Variants in SH3GL3 observed in about 807,000 individuals in gnomAD.
SH3GL3 encodes the protein endophilin-A3.
A neutral mutation model predicts 47.7 loss-of-function variants in SH3GL3; 33 were observed. That is an observed-to-expected ratio of 0.69 (90% CI 0.52 to 0.92). The LOEUF (loss-of-function observed/expected upper bound fraction) is 0.92. SH3GL3 is among the 40% of genes least tolerant of loss of function. The pLI is 0.00. For synonymous variants in SH3GL3, 155 were observed against 148.8 expected (o/e 1.04, Z -0.30); for missense variants, 363 against 417.8 (o/e 0.87, Z 1.14).
chr15:83,459,172 A>G (rs1350312003), intron 1 of SH3GL3, among the ~76,000 whole-genome samples: 1 of 152,226 alleles, frequency 6.6e-6, no homozygotes, highest in Non-Finnish European at 1.5e-5. Flanking sequence ...CGGCCAGTCT[A>G]GTCTTTCCAC....
chr15:83,474,482 T>G (rs991105101), intron 1 of SH3GL3, among the ~76,000 whole-genome samples: 1 of 152,188 alleles, frequency 6.6e-6, no homozygotes, highest in African/African-American at 2.4e-5. Flanking sequence ...TGTGTGTGAT[T>G]AATTATTATG....
At chr15:83,529,062 T>C (rs1158224481) in intron 1 of SH3GL3, among the ~76,000 whole-genome samples, 1 of 138,450 alleles carries the variant, frequency 7.2e-6, no homozygotes, top group Non-Finnish European at 1.6e-5. Flanking sequence ...TATGATTTAT[T>C]TGATTGTGAA....
intron 1 of SH3GL3, among the ~76,000 whole-genome samples, chr15:83,456,349 TC>T (rs1231590824): frequency 3.8e-5 from 1 of 26,250 alleles, no homozygotes; most frequent in African/African-American, 1.4e-4. Context: ...AGTTCGAGCT[TC>T]CCGGCTGCTT....
intron 2 of SH3GL3, among the ~76,000 whole-genome samples, chr15:83,559,549 C>G (rs1483011077): frequency 6.6e-6 from 1 of 152,208 alleles, no homozygotes; most frequent in Non-Finnish European, 1.5e-5. Context: ...ATGTGGCTAA[C>G]TGGTACCCTC....
chr15:83,568,817 CAT>C, intron 4 of SH3GL3, 145 bp downstream of exon 4: 1 of 528,850 alleles, frequency 1.9e-6, no homozygotes, highest in Non-Finnish European at 3.3e-6. Flanking sequence ...GTTTAGAAAA[CAT>C]AGGTAAGTAA....
chr15:83,626,216 C>T, the SH3GL3 span, among the ~76,000 whole-genome samples: 4 of 152,190 alleles, frequency 2.6e-5, no homozygotes, highest in Non-Finnish European at 4.4e-5. Context: ...AAGAGCTCCA[C>T]TACCACAAGA....
At chr15:83,569,867 C>T (rs968075419) in intron 4 of SH3GL3, among the ~76,000 whole-genome samples, 9 of 152,016 alleles carry the variant, frequency 5.9e-5, no homozygotes, top group Admixed American at 2.0e-4. Context: ...ATTTTTTCCC[C>T]CCTGTCTCAT....
At chr15:83,490,985 A>G in intron 1 of SH3GL3, 1 of 1,596,874 alleles carries the variant, frequency 6.3e-7, no homozygotes. Flanking sequence ...GCACAGAAGC[A>G]CTGAAAGAAG....
intron 8 of SH3GL3, among the ~76,000 whole-genome samples, chr15:83,610,056 G>A (rs925930802): frequency 2.0e-5 from 3 of 152,216 alleles, no homozygotes; most frequent in Admixed American, 6.5e-5. Flanking sequence ...CCTCAAGTGC[G>A]ACAGGCAAGG....
At chr15:83,571,718 A>G (rs1389002254) in intron 4 of SH3GL3, among the ~76,000 whole-genome samples, 3 of 152,168 alleles carry the variant, frequency 2.0e-5, no homozygotes, top group Non-Finnish European at 4.4e-5. Context: ...TCAAGCCTAG[A>G]AATGGAGCAA....
chr15:83,538,665 C>G (rs1028921855), intron 1 of SH3GL3, among the ~76,000 whole-genome samples: 2 of 152,056 alleles, frequency 1.3e-5, no homozygotes, highest in Non-Finnish European at 2.9e-5. Flanking sequence ...AATGTTATGT[C>G]TGAAATTTAC....
intron 1 of SH3GL3, among the ~76,000 whole-genome samples, chr15:83,550,254 C>T (rs1425865737): frequency 6.6e-6 from 1 of 152,194 alleles, no homozygotes; most frequent in African/African-American, 2.4e-5. Context: ...CACAGGGCTT[C>T]TCAAAATGTG....
chr15:83,594,435 A>G (rs1345309856), intron 8 of SH3GL3, among the ~76,000 whole-genome samples: 1 of 152,202 alleles, frequency 6.6e-6, no homozygotes, highest in Non-Finnish European at 1.5e-5. Flanking sequence ...CCACTCTTCT[A>G]TATTAACATT....
downstream of SH3GL3, among the ~76,000 whole-genome samples, chr15:83,621,535 T>C (rs186835488): frequency 1.7e-4 from 26 of 152,284 alleles, no homozygotes; most frequent in East Asian, 3.5e-3. Flanking sequence ...ACAGTTAAAA[T>C]AGTAACATCA....
chr15:83,594,828 G>A (rs1442042574), intron 8 of SH3GL3, among the ~76,000 whole-genome samples: 1 of 152,128 alleles, frequency 6.6e-6, no homozygotes. Flanking sequence ...CAGAATGGCT[G>A]GTATTAAAAA....
intron 1 of SH3GL3, among the ~76,000 whole-genome samples, chr15:83,472,717 C>T (rs1195375556): frequency 6.6e-6 from 1 of 152,172 alleles, no homozygotes; most frequent in Non-Finnish European, 1.5e-5. Flanking sequence ...TGTCTTTTCT[C>T]ATTCAACTAG....
chr15:83,467,827 T>C (rs766898710), intron 1 of SH3GL3, among the ~76,000 whole-genome samples: 3 of 152,120 alleles, frequency 2.0e-5, no homozygotes, highest in Non-Finnish European at 4.4e-5. Flanking sequence ...TTTCTTTTCT[T>C]TTTTTATTTT....
chr15:83,593,303 A>G (rs1033470751), intron 8 of SH3GL3, among the ~76,000 whole-genome samples: 2 of 152,256 alleles, frequency 1.3e-5, no homozygotes, highest in African/African-American at 4.8e-5. Context: ...ATAGCTTAAC[A>G]ATATTGAGTG....
At chr15:83,459,413 G>A (rs1405434428) in intron 1 of SH3GL3, among the ~76,000 whole-genome samples, 4 of 152,162 alleles carry the variant, frequency 2.6e-5, no homozygotes, top group African/African-American at 9.7e-5. Context: ...AGGTCTAAGC[G>A]AGTCATGGAG....
Sources: gnomAD v4.1 joint callset for allele counts (sites outside exome capture counted in the v4.1 genomes callset) on GRCh38, gnomAD v4.1.1 for gene constraint, MANE v1.5 for transcripts, NCBI Gene and HGNC (gene_info 2026-07-23, HGNC 2026-07-21) for gene names.